Variants in DPP10 observed in about 807,000 individuals in gnomAD.
The protein encoded by DPP10 is inactive dipeptidyl peptidase 10.
In DPP10, 33 loss-of-function variants were observed where a neutral mutation model predicts 120.9. The observed-to-expected ratio is 0.27, with a 90% CI of 0.21 to 0.37. The LOEUF (loss-of-function observed/expected upper bound fraction) is 0.37, where lower values mean the gene tolerates loss of function less well. DPP10 is among the 10% of genes least tolerant of loss of function. The pLI is 1.00. For synonymous variants in DPP10, 337 were observed against 326.1 expected (o/e 1.03, Z -0.36); for missense variants, 816 against 942.8 (o/e 0.87, Z 1.76).
intron 5 of DPP10, among the ~76,000 whole-genome samples, chr2:115,669,723 C>A (rs2089724019): frequency 6.6e-6 from 1 of 152,072 alleles, no homozygotes; most frequent in African/African-American, 2.4e-5. Flanking sequence ...TCAAACATTG[C>A]ATGATGCTTA....
In DPP10 at chr2:115,092,875, T is replaced by C. The variant is rs142453443; in HGVS notation, c.61-216364T>C. Among the ~76,000 whole-genome samples the C allele has an allele frequency of 7.2e-3, 1,089 of 152,268 alleles. 10 individuals carry two copies. The highest frequency in any genetic ancestry group is 0.025 in the African/African-American group (1,043 of 41,570). ...TGTCGTTGCTGATAAAAATAGTTGATTGATGACTTTTTAAGTGACTTTTAG... is the reference window on the plus strand; with the variant it reads ...TGTCGTTGCTGATAAAAATAGTTGACTGATGACTTTTTAAGTGACTTTTAG... On this transcript the variant is annotated intron_variant, in intron 1 of 25. Transcript: ENST00000410059.
At chr2:115,530,568 G>A (rs2078400538) in intron 5 of DPP10, among the ~76,000 whole-genome samples, 1 of 151,932 alleles carries the variant, frequency 6.6e-6, no homozygotes, top group African/African-American at 2.4e-5. Context: ...TGCAGTCCCA[G>A]CTACTTTGGA....
intron 15 of DPP10, 35 bp downstream of exon 15, chr2:115,777,869 G>A: frequency 6.3e-7 from 1 of 1,599,964 alleles, no homozygotes; most frequent in Non-Finnish European, 8.5e-7. Flanking sequence ...TACACAGATT[G>A]GCTTCTCAAT....
At chr2:115,662,136 G>C (rs2089035570) in intron 5 of DPP10, among the ~76,000 whole-genome samples, 1 of 152,026 alleles carries the variant, frequency 6.6e-6, no homozygotes, top group Admixed American at 6.6e-5. Flanking sequence ...TGTGTGTTTG[G>C]TTTATTTTAC....
chr2:114,540,041 A>G (rs1466955899), intron 1 of DPP10, among the ~76,000 whole-genome samples: 1 of 152,216 alleles, frequency 6.6e-6, no homozygotes, highest in African/African-American at 2.4e-5. Flanking sequence ...AAAGTACATA[A>G]TAGGAATGGA....
intron 5 of DPP10, among the ~76,000 whole-genome samples, chr2:115,590,128 T>TC (rs1354493852): frequency 1.4e-5 from 2 of 142,580 alleles, no homozygotes; most frequent in South Asian, 2.2e-4. Context: ...TTTTTTTTTT[T>TC]CCCCCATATG....
At chr2:115,125,567 G>GTT (rs1426601438) in intron 1 of DPP10, among the ~76,000 whole-genome samples, 1 of 120,616 alleles carries the variant, frequency 8.3e-6, no homozygotes, top group Non-Finnish European at 1.7e-5. Context: ...GATCATAATG[G>GTT]CTTTTTTTTT....
intron 5 of DPP10, among the ~76,000 whole-genome samples, chr2:115,679,647 G>T (rs2090513235): frequency 6.6e-6 from 1 of 152,146 alleles, no homozygotes; most frequent in South Asian, 2.1e-4. Context: ...ATATACAAGG[G>T]AATAATATGC....
intron 1 of DPP10, among the ~76,000 whole-genome samples, chr2:115,155,410 C>T (rs1255824335): frequency 6.6e-6 from 1 of 151,988 alleles, no homozygotes; most frequent in Non-Finnish European, 1.5e-5. Context: ...TCAGGGGACC[C>T]CTGAAGGGAA....
chr2:115,178,652 T>C (rs2053870458), intron 1 of DPP10, among the ~76,000 whole-genome samples: 1 of 152,224 alleles, frequency 6.6e-6, no homozygotes, highest in African/African-American at 2.4e-5. Flanking sequence ...GTTTTGGGTA[T>C]CCCTTAACCT....
At chr2:115,111,838 T>C (rs2049238653) in intron 1 of DPP10, among the ~76,000 whole-genome samples, 1 of 152,236 alleles carries the variant, frequency 6.6e-6, no homozygotes, top group Non-Finnish European at 1.5e-5. Context: ...TATCCTTCAC[T>C]GGTAAGTTAA....
chr2:115,818,698 C>A (rs1350071876), intron 21 of DPP10, among the ~76,000 whole-genome samples: 1 of 152,114 alleles, frequency 6.6e-6, no homozygotes, highest in Admixed American at 6.5e-5. Context: ...TGGGCCGAGA[C>A]GATAGAGGAT....
intron 1 of DPP10, among the ~76,000 whole-genome samples, chr2:114,481,755 A>C (rs1182768821): frequency 2.6e-5 from 4 of 152,030 alleles, no homozygotes; most frequent in African/African-American, 9.7e-5. Flanking sequence ...GAGACTGGGT[A>C]ATTTATTTAA....
chr2:115,743,915 A>G (rs1272446281), intron 9 of DPP10, among the ~76,000 whole-genome samples: 1 of 150,656 alleles, frequency 6.6e-6, no homozygotes, highest in East Asian at 1.9e-4. Flanking sequence ...CATCAGCTTC[A>G]TGCTGGAGGT....
chr2:115,798,262 C>G (rs1025659717), intron 19 of DPP10, among the ~76,000 whole-genome samples: 2 of 151,780 alleles, frequency 1.3e-5, no homozygotes, highest in African/African-American at 4.8e-5. Context: ...ATATTGAAAT[C>G]AGTCTCTTTT....
At chr2:115,405,746 G>A (rs982564429) in intron 3 of DPP10, among the ~76,000 whole-genome samples, 8 of 152,164 alleles carry the variant, frequency 5.3e-5, no homozygotes, top group South Asian at 2.1e-4. Context: ...TTGAAGCTGC[G>A]GCATGAGCTG....
intron 1 of DPP10, among the ~76,000 whole-genome samples, chr2:114,593,565 G>A (rs896565181): frequency 1.3e-5 from 2 of 152,036 alleles, no homozygotes; most frequent in Admixed American, 6.6e-5. Flanking sequence ...AATATTCATC[G>A]CAGTCGGTCT....
chr2:114,545,647 C>G (rs1687330615), intron 1 of DPP10, among the ~76,000 whole-genome samples: 1 of 152,108 alleles, frequency 6.6e-6, no homozygotes, highest in African/African-American at 2.4e-5. Flanking sequence ...ATTCTTCATT[C>G]TTTTTGCAAA....
chr2:115,247,204 G>A (rs530646889), intron 1 of DPP10, among the ~76,000 whole-genome samples: 1 of 152,018 alleles, frequency 6.6e-6, no homozygotes, highest in Non-Finnish European at 1.5e-5. Context: ...AGGAGAAGCT[G>A]GGGAGAGACT....
Sources: gnomAD v4.1 joint callset for allele counts (sites outside exome capture counted in the v4.1 genomes callset) on GRCh38, gnomAD v4.1.1 for gene constraint, MANE v1.5 for transcripts, NCBI Gene and HGNC (gene_info 2026-07-23, HGNC 2026-07-21) for gene names.